The following RYR2 variants were observed in gnomAD, a reference collection of about 807,000 sequenced individuals.
RYR2 encodes the protein ryanodine receptor 2.
A neutral mutation model predicts 601.1 loss-of-function variants in RYR2; 227 were observed. That is an observed-to-expected ratio of 0.38 (90% CI 0.34 to 0.42). The LOEUF is 0.42. Among genes scored for constraint, RYR2 ranks in the 10% least tolerant of loss-of-function variants. The pLI is 1.00. For missense variants in RYR2, 4,646 were observed against 6,156.5 expected, an observed-to-expected ratio of 0.75 and a Z score of 8.21; for synonymous variants, 2,223 against 2,175.1, an observed-to-expected ratio of 1.02 and a Z score of -0.61.
intron 1 of RYR2, among the ~76,000 whole-genome samples, chr1:237,187,532 C>T (rs1178173852): frequency 6.7e-6 from 1 of 149,976 alleles, no homozygotes; most frequent in East Asian, 2.0e-4. Flanking sequence ...CAGCCTCAGC[C>T]TCCCAGGCTC....
intron 12 of RYR2, 100 bp downstream of exon 12, chr1:237,423,348 G>A: frequency 7.6e-7 from 1 of 1,320,472 alleles, no homozygotes; most frequent in South Asian, 1.4e-5. Context: ...AATGATGTAA[G>A]TATGTCTTAT....
chr1:237,473,425 C>CT (rs1301968202), intron 17 of RYR2, among the ~76,000 whole-genome samples: 1 of 124,820 alleles, frequency 8.0e-6, no homozygotes, highest in Non-Finnish European at 1.8e-5. Context: ...CTCCATCTCT[C>CT]TCTCTCTCTT....
intron 1 of RYR2, among the ~76,000 whole-genome samples, chr1:237,238,879 T>C (rs1052742674): frequency 1.3e-5 from 2 of 152,180 alleles, no homozygotes; most frequent in Non-Finnish European, 2.9e-5. Flanking sequence ...AAAATGACGA[T>C]AAAAGGTACG....
chr1:237,661,271 T>C (rs570392481), intron 56 of RYR2, among the ~76,000 whole-genome samples: 1 of 152,032 alleles, frequency 6.6e-6, no homozygotes, highest in South Asian at 2.1e-4. Flanking sequence ...CCGCATGTTC[T>C]CACTCATAAG....
At chr1:237,598,637 A>G (rs1423697020) in intron 34 of RYR2, among the ~76,000 whole-genome samples, 1 of 152,174 alleles carries the variant, frequency 6.6e-6, no homozygotes, top group Non-Finnish European at 1.5e-5. Flanking sequence ...ACAACATACC[A>G]AAAGCTATGG....
chr1:237,310,816 A>C (rs1057212294), intron 2 of RYR2, among the ~76,000 whole-genome samples: 1 of 152,198 alleles, frequency 6.6e-6, no homozygotes, highest in Non-Finnish European at 1.5e-5. Flanking sequence ...AATTTCATTA[A>C]TATTTACTAC....
intron 1 of RYR2, among the ~76,000 whole-genome samples, chr1:237,102,178 C>T (rs984491138): frequency 6.6e-6 from 1 of 152,096 alleles, no homozygotes; most frequent in African/African-American, 2.4e-5. Flanking sequence ...AGGATTTAGA[C>T]GGGAGCTTGA....
chr1:237,201,285 T>C (rs1681164440), intron 1 of RYR2, among the ~76,000 whole-genome samples: 1 of 152,234 alleles, frequency 6.6e-6, no homozygotes, highest in Non-Finnish European at 1.5e-5. Context: ...GTCCTGGCAC[T>C]GCCCTCACTA....
At chr1:237,554,188 G>T (rs189650900) in intron 27 of RYR2, among the ~76,000 whole-genome samples, 1 of 151,918 alleles carries the variant, frequency 6.6e-6, no homozygotes, top group East Asian at 1.9e-4. Flanking sequence ...TAGTTTGTGG[G>T]TGATTTTATC....
chr1:237,748,047 C>T (rs953955284), intron 80 of RYR2, among the ~76,000 whole-genome samples: 1 of 152,098 alleles, frequency 6.6e-6, no homozygotes, highest in Non-Finnish European at 1.5e-5. Context: ...GTGATTATCT[C>T]GTGTCTTAGC....
At chr1:237,560,360 C>T (rs1481029922) in intron 27 of RYR2, among the ~76,000 whole-genome samples, 1 of 152,238 alleles carries the variant, frequency 6.6e-6, no homozygotes, top group Admixed American at 6.5e-5. Flanking sequence ...ACTATTTGCA[C>T]TGGGCAAGCT....
Position 237,551,562 on chromosome 1 carries a change from G to A in RYR2, c.3214+871G>A, listed in dbSNP as rs776965677. On this transcript the variant is annotated intron_variant, in intron 27 of 104. Transcript: ENST00000366574. ...AAAAAAAAAAAAAGAATGTAGTTTA[G>A]AATGATCCACTCTTTAATCCGTTGC... 7.2e-3 allele frequency among the ~76,000 whole-genome samples: 1,031 copies of A among 142,678 alleles called. 9 individuals are homozygous for A. Among genetic ancestry groups the A allele is most frequent in the Non-Finnish European group, 0.011 (745 of 65,262 alleles). The allele number at this position is 142,678 out of a possible 152,430, so 93.6% of individuals were successfully genotyped here.
chr1:237,492,644 C>T (rs1389666575), intron 18 of RYR2, among the ~76,000 whole-genome samples: 1 of 151,920 alleles, frequency 6.6e-6, no homozygotes, highest in African/African-American at 2.4e-5. Flanking sequence ...AGTTTGAGAC[C>T]AGCCTGGGTA....
chr1:237,756,612 CT>C (rs1373142494), intron 81 of RYR2, among the ~76,000 whole-genome samples: 1 of 151,718 alleles, frequency 6.6e-6, no homozygotes, highest in Non-Finnish European at 1.5e-5. Flanking sequence ...TCATTCTGTT[CT>C]TTAAGTTTTG....
At chr1:237,356,127 T>G in intron 4 of RYR2, 142 bp downstream of exon 4, 3 of 717,620 alleles carry the variant, frequency 4.2e-6, no homozygotes, top group Non-Finnish European at 7.1e-6. Context: ...GAACACATGT[T>G]TTACAGGTCT....
chr1:237,796,143 G>A (rs567820603), intron 96 of RYR2, among the ~76,000 whole-genome samples: 1 of 151,836 alleles, frequency 6.6e-6, no homozygotes, highest in African/African-American at 2.4e-5. Flanking sequence ...CTGCGCTAGT[G>A]CATCTGAGGA....
intron 68 of RYR2, among the ~76,000 whole-genome samples, chr1:237,707,896 C>T (rs565525778): frequency 9.5e-4 from 144 of 151,804 alleles, no homozygotes; most frequent in South Asian, 5.6e-3. Flanking sequence ...CTCAGCCTCC[C>T]GGGTAGCTAG....
At chr1:237,598,137 C>A (rs1676084620) in intron 34 of RYR2, among the ~76,000 whole-genome samples, 1 of 152,170 alleles carries the variant, frequency 6.6e-6, no homozygotes, top group Admixed American at 6.5e-5. Context: ...AATTTATATG[C>A]ATTCAACACT....
chr1:237,260,516 G>A (rs1017389353), intron 1 of RYR2, among the ~76,000 whole-genome samples: 2 of 152,142 alleles, frequency 1.3e-5, no homozygotes, highest in Non-Finnish European at 2.9e-5. Context: ...AGTGAAGGCA[G>A]GTCACAAGTG....
Sources: allele counts gnomAD v4.1 joint callset (sites outside exome capture counted in the v4.1 genomes callset), GRCh38; gene constraint gnomAD v4.1.1; transcripts MANE v1.5; gene names NCBI Gene and HGNC (gene_info 2026-07-23, HGNC 2026-07-21).